CDH1: variants seen among roughly 807,000 people sequenced by gnomAD.
CDH1 encodes cadherin-1.
CDH1 carries 35 observed loss-of-function variants against 84.5 expected under a neutral mutation model. That is an observed-to-expected ratio of 0.41 (90% confidence interval 0.32 to 0.55). CDH1 has a LOEUF of 0.55. CDH1 is among the 20% of genes least tolerant of loss of function. The pLI is 0.19. For synonymous variants in CDH1, 417 were observed against 439.0 expected (o/e 0.95, Z 0.63); for missense variants, 994 against 1,126.6 (o/e 0.88, Z 1.68).
chr16:68,751,048 C>T (rs572256216), intron 2 of CDH1, among the ~76,000 whole-genome samples: 3 of 152,252 alleles, frequency 2.0e-5, no homozygotes, highest in Admixed American at 6.5e-5. Context: ...CCTTCATTGT[C>T]GCAGCAGCTT....
At chr16:68,761,936 CCT>C (rs1220988144) in intron 2 of CDH1, among the ~76,000 whole-genome samples, 4 of 152,304 alleles carry the variant, frequency 2.6e-5, no homozygotes, top group African/African-American at 7.2e-5. Context: ...ACTTGGGACT[CCT>C]CTGGTCCTTT....
At chr16:68,743,985 C>T (rs765923072) in intron 2 of CDH1, among the ~76,000 whole-genome samples, 11 of 152,164 alleles carry the variant, frequency 7.2e-5, no homozygotes, top group Non-Finnish European at 1.6e-4. Context: ...GAGGTTACGG[C>T]AGATTGGACG....
Position 68,737,521 on chromosome 16 carries a change from A to AGCCCCGTGCCCCAGCCCTGC in CDH1, c.48+62_48+63insCGTGCCCCAGCCCTGCGCCC, listed in dbSNP as rs552723559. On this transcript the variant is annotated intron_variant, in intron 1 of 15. Coordinates refer to ENST00000261769, the MANE Select transcript of CDH1 (RefSeq NM_004360.5). ...ATTCGGGCCGCAAGCTCCGCGCCCC[A>AGCCCCGTGCCCCAGCCCTGC]GCCCTGCGCCCCTTCCTCTCCCGTC... 29,463 of 1,311,124 alleles carry AGCCCCGTGCCCCAGCCCTGC rather than the reference A, an allele frequency of 0.022. 1,850 individuals carry two copies. The highest frequency in any genetic ancestry group is 0.18 in the African/African-American group (12,426 of 67,284). The allele number at this position is 1,311,124 out of a possible 1,614,324, so 81.2% of individuals were successfully genotyped here. A position where few individuals can be genotyped will look rare whatever the true frequency, so the allele number is the denominator to read the frequency against.
chr16:68,816,704 G>A (rs753879913), intron 10 of CDH1, among the ~76,000 whole-genome samples: 7 of 152,206 alleles, frequency 4.6e-5, no homozygotes, highest in Non-Finnish European at 7.4e-5. Flanking sequence ...AGCTGAGATC[G>A]AGTCACTGCA....
chr16:68,829,409 A>G (rs774921728), intron 14 of CDH1, among the ~76,000 whole-genome samples: 1 of 152,118 alleles, frequency 6.6e-6, no homozygotes, highest in African/African-American at 2.4e-5. Context: ...TATGAAAATT[A>G]GTAAGGCACA....
chr16:68,739,569 A>G (rs549685306), intron 2 of CDH1, among the ~76,000 whole-genome samples: 2 of 151,628 alleles, frequency 1.3e-5, no homozygotes, highest in Non-Finnish European at 2.9e-5. Flanking sequence ...CTGGACCAAA[A>G]CATCTTGATA....
intron 5 of CDH1, among the ~76,000 whole-genome samples, chr16:68,809,226 C>CTTTTTTTTTTTTTTTTTTTTTTT: frequency 7.4e-6 from 1 of 135,484 alleles, no homozygotes; most frequent in Middle Eastern, 3.8e-3. Context: ...ACCAAGAGGT[C>CTTTTTTTTTTTTTTTTTTTTTTT]TTTTTTTTTT....
intron 2 of CDH1, among the ~76,000 whole-genome samples, chr16:68,790,125 G>T (rs113228221): frequency 1.0e-3 from 152 of 152,302 alleles, no homozygotes; most frequent in Middle Eastern, 6.8e-3. Context: ...GAATGGAAAT[G>T]ATGTTAGGAG....
intron 2 of CDH1, among the ~76,000 whole-genome samples, chr16:68,763,707 G>A (rs1959290664): frequency 6.6e-6 from 1 of 152,230 alleles, no homozygotes; most frequent in Non-Finnish European, 1.5e-5. Flanking sequence ...TAGTTCATTA[G>A]CAGTTGTTTA....
chr16:68,749,991 CAG>C (rs1176596456), intron 2 of CDH1, among the ~76,000 whole-genome samples: 1 of 150,380 alleles, frequency 6.6e-6, no homozygotes, highest in African/African-American at 2.5e-5. Context: ...TTTTAAGAAA[CAG>C]AGTCTTGCTC....
At position 68,765,816 on chromosome 16, in the gene CDH1, A is replaced by G. The variant is rs562362510; in HGVS notation, c.163+27405A>G. ...ACAGTTGGATCTAGTTTCTCTTTCT[A>G]TCTTGTGCCTGGTTTTTAGTTAATC... is the stretch of plus-strand genomic sequence containing the variant. On this transcript the variant is annotated intron_variant, in intron 2 of 15. Coordinates refer to ENST00000261769, the MANE Select transcript of CDH1 (RefSeq NM_004360.5). Among the ~76,000 whole-genome samples, 5 of 151,222 alleles carry G rather than the reference A, an allele frequency of 3.3e-5. No individual in the cohort carries two copies. The South Asian group carries it at 1.0e-3, about 32-fold the overall frequency.
intron 3 of CDH1, among the ~76,000 whole-genome samples, chr16:68,802,207 C>T (rs910188921): frequency 2.6e-5 from 4 of 152,102 alleles, no homozygotes; most frequent in Non-Finnish European, 5.9e-5. Context: ...GTGTGGGGAT[C>T]GGGTAGTGTA....
chr16:68,828,235 G>A lies in CDH1; in HGVS notation c.2226G>A (p.Leu742=), dbSNP rs563767422. Residue 742 remains leucine, a synonymous_variant, in exon 14 of 16, where the codon CTG becomes CTA. Transcript: ENST00000261769. Reference sequence around the variant, plus strand: ...GAGCGGTGGTCAAAGAGCCCTTACTGCCCCCAGAGGATGACACCCGGGACA... The same window carrying A: ...GAGCGGTGGTCAAAGAGCCCTTACTACCCCCAGAGGATGACACCCGGGACA... The part of the protein sequence containing the change: ...RRRAVVKEPL[L]PPEDDTRDNV... The A allele has an allele frequency of 2.5e-6, 4 of 1,613,912 alleles. No individual in the cohort carries two copies. The highest frequency in any genetic ancestry group is 2.2e-5 in the South Asian group (2 of 91,056).
chr16:68,745,550 A>ACATATATATATATATG (rs71253605), intron 2 of CDH1, among the ~76,000 whole-genome samples: 1 of 50,496 alleles, frequency 2.0e-5, no homozygotes, highest in Non-Finnish European at 3.3e-5. Context: ...AAAAAAAAAA[A>ACATATATATATATATG]TATATATATA....
chr16:68,793,152 C>T (rs1960257463), intron 2 of CDH1, among the ~76,000 whole-genome samples: 1 of 152,158 alleles, frequency 6.6e-6, no homozygotes, highest in Non-Finnish European at 1.5e-5. Flanking sequence ...ACGTGATACT[C>T]CAACCTGCTT....
intron 2 of CDH1, among the ~76,000 whole-genome samples, chr16:68,763,142 A>G (rs968892361): frequency 6.6e-6 from 1 of 152,144 alleles, no homozygotes; most frequent in Non-Finnish European, 1.5e-5. Flanking sequence ...GGTGACAGCT[A>G]TTCCTGTTTT....
intron 2 of CDH1, among the ~76,000 whole-genome samples, chr16:68,780,372 G>A (rs142943297): frequency 6.6e-3 from 1,002 of 152,168 alleles, no homozygotes; most frequent in Admixed American, 0.015. Flanking sequence ...CATGATTTTG[G>A]CTCACTGCAA....
intron 2 of CDH1, among the ~76,000 whole-genome samples, chr16:68,788,969 C>T (rs571595581): frequency 6.6e-6 from 1 of 152,228 alleles, no homozygotes; most frequent in South Asian, 2.1e-4. Flanking sequence ...CATGCCACTG[C>T]ACTCCAGCCT....
chr16:68,789,980 C>T (rs981903309), intron 2 of CDH1, among the ~76,000 whole-genome samples: 23 of 152,114 alleles, frequency 1.5e-4, no homozygotes, highest in South Asian at 4.1e-4. Context: ...CACTTGAACC[C>T]GGGAGGCAGA....
Sources: gnomAD v4.1 joint callset for allele counts (sites outside exome capture counted in the v4.1 genomes callset) on GRCh38, gnomAD v4.1.1 for gene constraint, MANE v1.5 for transcripts, NCBI Gene and HGNC (gene_info 2026-07-23, HGNC 2026-07-21) for gene names.